Variants in LPIN1 observed in about 807,000 individuals in gnomAD.
The protein encoded by LPIN1 is lipin 1, also known as phosphatidate phosphatase LPIN1.
Under a neutral mutation model 107.5 loss-of-function variants are expected in LPIN1, and 71 were observed. That is an observed-to-expected ratio of 0.66 (90% CI 0.55 to 0.80). LPIN1 has a LOEUF of 0.80. Among genes scored for constraint, LPIN1 ranks in the 30% least tolerant of loss-of-function variants. LPIN1 has a pLI of 0.00. For synonymous variants in LPIN1, 445 were observed against 452.6 expected (o/e 0.98, Z 0.21); for missense variants, 1,043 against 1,160.6 (o/e 0.90, Z 1.47).
intron 1 of LPIN1, among the ~76,000 whole-genome samples, chr2:11,761,878 C>T (rs1390020957): frequency 1.3e-5 from 2 of 152,158 alleles, no homozygotes; most frequent in African/African-American, 2.4e-5. Flanking sequence ...TGACACCAAA[C>T]GTGTGTGTGT....
rs777589420 is a variant in LPIN1 at position 11,787,026 on chromosome 2, T to A, written c.1550-48T>A. On this transcript the variant is annotated intron_variant, in intron 10 of 20. Transcript: ENST00000674199. ...ATGAAAGGTAGGCCTAATTTTGAAC[T>A]GAATTTTCTTTTTGTTTTTCCCTGA... is the stretch of plus-strand genomic sequence containing the variant. The A allele has an allele frequency of 5.9e-6, 8 of 1,356,380 alleles. No individual in the cohort carries two copies. The South Asian group carries it at 7.0e-5, about 12-fold the overall frequency. The allele number at this position is 1,356,380 out of a possible 1,614,324, so 84.0% of individuals were successfully genotyped here.
At chr2:11,691,070 A>C (rs1326071484) in intron 1 of LPIN1, among the ~76,000 whole-genome samples, 1 of 147,384 alleles carries the variant, frequency 6.8e-6, no homozygotes, top group East Asian at 2.0e-4. Flanking sequence ...AGTGGATTTA[A>C]AAATCTTGTT....
chr2:11,778,816 G>A (rs1263371891), intron 6 of LPIN1, among the ~76,000 whole-genome samples: 1 of 152,176 alleles, frequency 6.6e-6, no homozygotes, highest in African/African-American at 2.4e-5. Flanking sequence ...ACTTTGGCTG[G>A]GCAGAAGTAA....
chr2:11,690,896 T>C (rs1176592890), intron 1 of LPIN1, among the ~76,000 whole-genome samples: 1 of 152,168 alleles, frequency 6.6e-6, no homozygotes, highest in Non-Finnish European at 1.5e-5. Context: ...TGTGTCTATA[T>C]GTATCTCAAT....
intron 1 of LPIN1, among the ~76,000 whole-genome samples, chr2:11,701,320 TG>T (rs1448473858): frequency 6.6e-6 from 1 of 152,214 alleles, no homozygotes; most frequent in Non-Finnish European, 1.5e-5. Context: ...CAAGTGATCC[TG>T]TCTTAGTTAT....
At chr2:11,773,285 C>G (rs1051021335) in intron 4 of LPIN1, among the ~76,000 whole-genome samples, 3 of 152,220 alleles carry the variant, frequency 2.0e-5, no homozygotes, top group Non-Finnish European at 2.9e-5. Context: ...TGGGGCCACT[C>G]TACCTCCCAG....
chr2:11,740,684 GAAAAA>G lies in LPIN1; in HGVS notation c.-71-650_-71-646del, dbSNP rs56188204. Among the ~76,000 whole-genome samples, 74 of 81,574 alleles carry G rather than the reference GAAAAA, an allele frequency of 9.1e-4. No individual in the cohort carries two copies. In the South Asian group the frequency reaches 0.021, roughly 23 times the overall value. 53.5% of individuals were successfully genotyped at this position (81,574 alleles called of 152,430 possible). A position where few individuals can be genotyped will look rare whatever the true frequency, so the allele number is the denominator to read the frequency against. ...GGGTGACACAGTGAGGCTCTATCTC[GAAAAA>G]AAAAAAAAAAAAAAGGAAGAAAGAA... On this transcript the variant is annotated intron_variant, in intron 1 of 21. Coordinates refer to the LPIN1 transcript ENST00000396097.
intron 13 of LPIN1, 65 bp from the exon 14 acceptor site, chr2:11,795,343 C>A: frequency 7.3e-7 from 1 of 1,365,408 alleles, no homozygotes; most frequent in Non-Finnish European, 1.0e-6. Flanking sequence ...CATGGGAAAA[C>A]ACCGGCTGTC....
At chr2:11,796,576 G>A (rs1233489281) in intron 14 of LPIN1, among the ~76,000 whole-genome samples, 1 of 152,108 alleles carries the variant, frequency 6.6e-6, no homozygotes, top group Non-Finnish European at 1.5e-5. Flanking sequence ...CTCTCGCCTG[G>A]GATGCTCTTG....
At chr2:11,762,162 G>T (rs1669939293) in intron 1 of LPIN1, among the ~76,000 whole-genome samples, 1 of 152,092 alleles carries the variant, frequency 6.6e-6, no homozygotes, top group Non-Finnish European at 1.5e-5. Flanking sequence ...ACAGTTTACT[G>T]ATTGTCACTG....
chr2:11,795,278 G>C (rs1220686381), intron 13 of LPIN1, 130 bp from the exon 14 acceptor site: 1 of 766,792 alleles, frequency 1.3e-6, no homozygotes, highest in East Asian at 2.7e-5. Flanking sequence ...GCGATCGCTA[G>C]GGTGGGCGTC....
Position 11,774,025 on chromosome 2 carries a change from A to G in LPIN1, c.722+280A>G, listed in dbSNP as rs764928622. ...GTAAATTACATCATGCTAATTGTTA[A>G]TAGGAGAAAACACAGTGGCAGAGCC... is the stretch of plus-strand genomic sequence containing the variant. On this transcript the variant is annotated intron_variant, in intron 5 of 20. Transcript: ENST00000674199. The surrounding 1 kb of genome is among the most constrained non-coding windows in gnomAD (Gnocchi z 4.4). Among the ~76,000 whole-genome samples the G allele has an allele frequency of 6.6e-6, 1 of 152,232 alleles. No homozygotes were observed. Among genetic ancestry groups the G allele is most frequent in the Non-Finnish European group, 1.5e-5 (1 of 68,038 alleles).
chr2:11,735,291 CA>C (rs1213109442), intron 1 of LPIN1, among the ~76,000 whole-genome samples: 2,008 of 106,360 alleles, frequency 0.019, 14 homozygotes, highest in Admixed American at 0.027. Flanking sequence ...GACTCTGTCT[CA>C]AAAAAAAAAA....
At chr2:11,763,968 T>C (rs1670285984) in intron 1 of LPIN1, among the ~76,000 whole-genome samples, 1 of 145,464 alleles carries the variant, frequency 6.9e-6, no homozygotes, top group Admixed American at 6.7e-5. Flanking sequence ...TATTTTAGTG[T>C]GTGTGTGTGT....
At chr2:11,810,150 C>T (rs1300937235) in intron 17 of LPIN1, among the ~76,000 whole-genome samples, 1 of 152,180 alleles carries the variant, frequency 6.6e-6, no homozygotes, top group African/African-American at 2.4e-5. Flanking sequence ...TCTCTCCCTT[C>T]AAGAAGCTTG....
chr2:11,805,867 C>T (rs997880889), intron 17 of LPIN1, among the ~76,000 whole-genome samples: 16 of 152,130 alleles, frequency 1.1e-4, no homozygotes, highest in Non-Finnish European at 2.1e-4. Flanking sequence ...GGTTCAGAGC[C>T]CTGCAGGGAT....
At chr2:11,787,392 C>G in intron 11 of LPIN1, among the ~76,000 whole-genome samples, 1 of 113,692 alleles carries the variant, frequency 8.8e-6, no homozygotes. Flanking sequence ...CTTTTCTTTT[C>G]TTTTTCTTTT....
chr2:11,821,639 G>A (rs909387886), intron 20 of LPIN1, among the ~76,000 whole-genome samples: 1 of 152,236 alleles, frequency 6.6e-6, no homozygotes, highest in African/African-American at 2.4e-5. Flanking sequence ...TTTTCTCCAT[G>A]TAGCTTCTGT....
chr2:11,709,935 C>A (rs371774139), intron 1 of LPIN1, among the ~76,000 whole-genome samples: 1 of 152,180 alleles, frequency 6.6e-6, no homozygotes, highest in Non-Finnish European at 1.5e-5. Context: ...CAAATCATGG[C>A]AAGAACGGTA....
Sources: allele counts gnomAD v4.1 joint callset (sites outside exome capture counted in the v4.1 genomes callset), GRCh38; gene constraint gnomAD v4.1.1; non-coding constraint Gnocchi (gnomAD v3.1); transcripts MANE v1.5; gene names NCBI Gene and HGNC (gene_info 2026-07-23, HGNC 2026-07-21).